CBLIF: variants seen among roughly 807,000 people sequenced by gnomAD.
The protein encoded by CBLIF is cobalamin binding intrinsic factor, also known as gastric intrinsic factor (vitamin B synthesis).
A neutral mutation model predicts 44.9 loss-of-function variants in CBLIF; 24 were observed. The observed-to-expected ratio is 0.53, with a 90% CI of 0.39 to 0.75. The LOEUF is 0.75. Among genes scored for constraint, CBLIF ranks in the 30% least tolerant of loss-of-function variants. The pLI is 0.00. For synonymous variants in CBLIF, 183 were observed against 190.9 expected (o/e 0.96, Z 0.34); for missense variants, 481 against 513.0 (o/e 0.94, Z 0.60).
At position 59,843,981 on chromosome 11, in the gene CBLIF, A is replaced by T. The variant is rs144916324; in HGVS notation, c.154T>A (p.Tyr52Asn). 1.8e-3 allele frequency: 2,849 copies of T among 1,613,350 alleles called. 8 individuals carry two copies. Among genetic ancestry groups the T allele is most frequent in the Non-Finnish European group, 2.2e-3 (2,560 of 1,179,328 alleles). The change falls in exon 2 of 9, where the codon TAC becomes AAC. Residue 52 changes from tyrosine (Y) to asparagine (N), a missense_variant. Tyr to Asn is a moderately radical substitution (Grantham distance 143, BLOSUM62 -2). Coordinates refer to ENST00000257248, the MANE Select transcript of CBLIF (RefSeq NM_005142.3). Reference sequence around the variant, plus strand: ...GCAATCAGGATGCTGGGGTTTGGGTAGGCTGATGAAGTCACCGAGTTCTCC... The same window carrying T: ...GCAATCAGGATGCTGGGGTTTGGGTTGGCTGATGAAGTCACCGAGTTCTCC... Reference protein sequence around the residue: ...LMENSVTSSAYPNPSILIAMN... With the variant: ...LMENSVTSSANPNPSILIAMN...
Position 59,843,152 on chromosome 11 carries a change from G to T in CBLIF, c.257-11C>A. The stretch of plus-strand genomic sequence containing the variant: ...GCCCAATGGTTAGATCTGCAGAGAA[G>T]AGAACACAACGGTTAGACAGAGACA... On this transcript the variant is annotated splice_polypyrimidine_tract_variant and intron_variant, in intron 2 of 8. Transcript: ENST00000257248. 2.6e-6 allele frequency: 4 copies of T among 1,540,188 alleles called. No individual in the cohort carries two copies. Among genetic ancestry groups the T allele is most frequent in the Non-Finnish European group, 3.6e-6 (4 of 1,112,660 alleles).
chr11:59,838,139 A>G (rs540256997), intron 5 of CBLIF, among the ~76,000 whole-genome samples: 4 of 152,244 alleles, frequency 2.6e-5, no homozygotes, highest in African/African-American at 9.6e-5. Context: ...TAGACTTCCC[A>G]GTGTATGTGA....
chr11:59,838,400 C>G (rs1391600322), intron 5 of CBLIF, among the ~76,000 whole-genome samples: 1 of 152,156 alleles, frequency 6.6e-6, no homozygotes, highest in Non-Finnish European at 1.5e-5. Flanking sequence ...TACCACCTCC[C>G]TTCCTTTACA....
intron 3 of CBLIF, 113 bp downstream of exon 3, chr11:59,842,915 G>A (rs1417903830): frequency 2.7e-6 from 2 of 736,032 alleles, no homozygotes; most frequent in Non-Finnish European, 5.0e-6. Context: ...AGGATACATT[G>A]TCTCTTCCCT....
chr11:59,842,675 A>C, intron 3 of CBLIF, 92 bp from the exon 4 acceptor site: 1 of 1,340,310 alleles, frequency 7.5e-7, no homozygotes, highest in Non-Finnish European at 1.1e-6. Flanking sequence ...TGAAAAGGAA[A>C]TTGCTAGAAA....
At chr11:59,834,267 T>TCTTTCTTTCTTCCTTCCTTC (rs1866415950) in intron 7 of CBLIF, among the ~76,000 whole-genome samples, 1 of 125,182 alleles carries the variant, frequency 8.0e-6, no homozygotes, top group African/African-American at 3.0e-5. Flanking sequence ...TTTCTTTCTT[T>TCTTTCTTTCTTCCTTCCTTC]CTTTCTTTCT....
At chr11:59,840,692 C>G (rs1297491570) in intron 5 of CBLIF, among the ~76,000 whole-genome samples, 4 of 152,014 alleles carry the variant, frequency 2.6e-5, no homozygotes, top group African/African-American at 9.7e-5. Context: ...TGAGTATAAA[C>G]TTGCTATTTT....
intron 5 of CBLIF, among the ~76,000 whole-genome samples, chr11:59,839,783 A>C (rs58902054): frequency 0.019 from 2,849 of 152,278 alleles, 86 homozygotes; most frequent in African/African-American, 0.063. Context: ...ATCAAAGTGT[A>C]CTTGGCAGGT....
chr11:59,843,162 C>T (rs373819170), intron 2 of CBLIF, 21 bp from the exon 3 acceptor site: 80 of 1,457,256 alleles, frequency 5.5e-5, no homozygotes, highest in East Asian at 4.8e-4. Context: ...GAGAACACAA[C>T]GGTTAGACAG....
intron 6 of CBLIF, among the ~76,000 whole-genome samples, chr11:59,836,600 G>T (rs972097590): frequency 1.3e-5 from 2 of 152,156 alleles, no homozygotes; most frequent in Non-Finnish European, 2.9e-5. Flanking sequence ...TATATTGCGT[G>T]CATCGAGCTT....
intron 5 of CBLIF, among the ~76,000 whole-genome samples, chr11:59,837,895 A>G (rs1447294978): frequency 2.0e-5 from 3 of 152,142 alleles, no homozygotes; most frequent in Non-Finnish European, 4.4e-5. Flanking sequence ...TCATTCCCCG[A>G]CATACAGACA....
At chr11:59,838,533 G>A (rs1293711052) in intron 5 of CBLIF, among the ~76,000 whole-genome samples, 2 of 152,126 alleles carry the variant, frequency 1.3e-5, no homozygotes, top group Non-Finnish European at 2.9e-5. Context: ...GTCTCAGCTA[G>A]GGTCAGTATG....
At chr11:59,837,893 C>T (rs371318603) in intron 5 of CBLIF, among the ~76,000 whole-genome samples, 6 of 152,216 alleles carry the variant, frequency 3.9e-5, no homozygotes, top group South Asian at 2.1e-4. Context: ...AATCATTCCC[C>T]GACATACAGA....
In CBLIF at chr11:59,844,053, C is replaced by A. The variant is rs139090732; in HGVS notation, c.82G>T (p.Val28Phe). The change falls in exon 2 of 9, where the codon GTT (valine) becomes TTT (phenylalanine). Residue 28 changes from valine (V) to phenylalanine (F), a missense_variant and splice_region_variant. By Grantham distance (50) the Val-to-Phe change is conservative. Transcript: ENST00000257248. The part of the protein sequence containing the change: ...TSTQTQSSCS[V>F]PSAQEPLVNG... ...ACCAAGGGCTCCTGTGCTGAGGGAA[C>A]GGCTGAGAAGAGGAAAGCCATTTAC... 2 of 1,612,114 alleles carry A rather than the reference C, an allele frequency of 1.2e-6. No homozygotes were observed. Among genetic ancestry groups the A allele is most frequent in the Non-Finnish European group, 8.5e-7 (1 of 1,178,194 alleles).
rs759380458 is a variant in CBLIF, at chr11:59,842,557, A to G, written c.397T>C (p.Tyr133His). 2 of 1,614,020 alleles carry G rather than the reference A, an allele frequency of 1.2e-6. No homozygotes were observed. Among genetic ancestry groups the G allele is most frequent in the Admixed American group, 1.7e-5 (1 of 60,022 alleles). ...GCCAAGATCGCTAGACTGGGCCCAT[A>G]GAAGGCTGATGCTTCAGCGTTGGGG... ...SSPNAEASAFYGPSLAILALC... is the reference protein window; with the variant it reads ...SSPNAEASAFHGPSLAILALC... Residue 133 changes from tyrosine to histidine, a missense_variant, in exon 4 of 9, where the codon TAT (tyrosine) becomes CAT (histidine). Coordinates refer to ENST00000257248, the MANE Select transcript of CBLIF (RefSeq NM_005142.3).
chr11:59,842,942 C>T (rs1866556711), intron 3 of CBLIF, 86 bp downstream of exon 3: 1 of 851,840 alleles, frequency 1.2e-6, no homozygotes, highest in East Asian at 2.5e-5. Context: ...CCTTTCTCTC[C>T]ACCCCCACCC....
rs1032089615 is a variant in CBLIF, at chr11:59,842,398, G to A, written c.511+45C>T. 4 of 1,605,962 alleles carry A rather than the reference G, an allele frequency of 2.5e-6. 1 individual carries two copies. The highest frequency in any genetic ancestry group is 1.7e-5 in the Admixed American group (1 of 59,964). On this transcript the variant is annotated intron_variant, in intron 4 of 8. Transcript: ENST00000257248. ...CTGCCAGCTCCACCATTCAGTTCAC[G>A]ATGCCTCTGATGTTCCCAGCTCGGG... is the stretch of plus-strand genomic sequence containing the variant.
rs140957277 is a variant in CBLIF at position 59,840,514 on chromosome 11, T to C, written c.693+629A>G. 1.7e-4 allele frequency among the ~76,000 whole-genome samples: 26 copies of C among 152,302 alleles called. No individual in the cohort carries two copies. The East Asian group carries it at 4.8e-3, about 28-fold the overall frequency. The stretch of plus-strand genomic sequence containing the variant: ...AACTAGGGTAGGGTGGGTTGTTGGA[T>C]TTGGAACTATGAATACCAAACACAT... On this transcript the variant is annotated intron_variant, in intron 5 of 8. Transcript: ENST00000257248.
chr11:59,842,846 G>A lies in CBLIF; in HGVS notation c.370+182C>T. ...GTCCTTGGGATCATGACCTTTTCTA[G>A]TTCATTTTGGATTGGAAATGAATCT... On this transcript the variant is annotated intron_variant, in intron 3 of 8. Coordinates refer to ENST00000257248, the MANE Select transcript of CBLIF (RefSeq NM_005142.3). The A allele has an allele frequency of 1.5e-5, 10 of 657,224 alleles. No individual in the cohort carries two copies. The South Asian group carries it at 1.8e-4, about 12-fold the overall frequency. The allele number at this position is 657,224 out of a possible 1,614,324, so 40.7% of individuals were successfully genotyped here.
Sources: allele counts gnomAD v4.1 joint callset (sites outside exome capture counted in the v4.1 genomes callset), GRCh38; gene constraint gnomAD v4.1.1; transcripts MANE v1.5; gene names NCBI Gene and HGNC (gene_info 2026-07-23, HGNC 2026-07-21).